PXDNL: variants seen among roughly 807,000 people sequenced by gnomAD.
The protein encoded by PXDNL is probable oxidoreductase PXDNL.
PXDNL carries 145 observed loss-of-function variants against 150.8 expected under a neutral mutation model. The ratio of observed to expected loss-of-function variants is 0.96; its 90% CI spans 0.84 to 1.10. The LOEUF is 1.10. PXDNL is among the 50% of genes least tolerant of loss of function. The probability of loss-of-function intolerance (pLI) is 0.00; values close to 1 mark genes in which losing one functional copy is unlikely to be tolerated. For synonymous variants in PXDNL, 757 were observed against 725.7 expected (o/e 1.04, Z -0.69); for missense variants, 2,087 against 1,873.9 (o/e 1.11, Z -2.10).
chr8:51,709,497 A>G (rs889406975), intron 1 of PXDNL, among the ~76,000 whole-genome samples: 2 of 151,848 alleles, frequency 1.3e-5, no homozygotes, highest in Admixed American at 1.3e-4. Context: ...CTCGTGATCC[A>G]CCCACCTCCG....
intron 5 of PXDNL, among the ~76,000 whole-genome samples, chr8:51,484,353 T>C (rs1044149002): frequency 2.0e-5 from 3 of 150,022 alleles, no homozygotes; most frequent in African/African-American, 7.4e-5. Flanking sequence ...GAGAATTGCT[T>C]GAACTGGGCA....
chr8:51,742,971 A>G (rs982642199), intron 1 of PXDNL, among the ~76,000 whole-genome samples: 4 of 152,210 alleles, frequency 2.6e-5, no homozygotes, highest in African/African-American at 9.7e-5. Flanking sequence ...AAATTTAATA[A>G]ACTCTGAAAT....
At chr8:51,515,136 G>C (rs946419874) in intron 4 of PXDNL, among the ~76,000 whole-genome samples, 2 of 152,218 alleles carry the variant, frequency 1.3e-5, no homozygotes, top group African/African-American at 4.8e-5. Flanking sequence ...AAGCCCCCAG[G>C]TGGATGCCTG....
At chr8:51,514,794 T>C (rs978222324) in intron 4 of PXDNL, among the ~76,000 whole-genome samples, 2 of 152,048 alleles carry the variant, frequency 1.3e-5, no homozygotes, top group Non-Finnish European at 2.9e-5. Context: ...GCCCTGGAAA[T>C]GGGAGAAAGT....
At chr8:51,395,229 G>A (rs1426575795) in intron 17 of PXDNL, among the ~76,000 whole-genome samples, 2 of 152,178 alleles carry the variant, frequency 1.3e-5, no homozygotes, top group Non-Finnish European at 2.9e-5. Context: ...CCTTGACTTT[G>A]TAGACACTAT....
intron 4 of PXDNL, among the ~76,000 whole-genome samples, chr8:51,543,410 G>A (rs563237937): frequency 6.6e-6 from 1 of 152,146 alleles, no homozygotes; most frequent in East Asian, 1.9e-4. Context: ...AAGTAAACAG[G>A]TAAAGAAAAG....
intron 2 of PXDNL, among the ~76,000 whole-genome samples, chr8:51,595,733 G>C (rs1813548708): frequency 1.3e-5 from 2 of 152,060 alleles, no homozygotes; most frequent in East Asian, 3.9e-4. Context: ...CATGGCAAAA[G>C]TCACTTATAG....
chr8:51,492,966 G>A (rs1009280312), intron 5 of PXDNL, among the ~76,000 whole-genome samples: 5 of 152,188 alleles, frequency 3.3e-5, no homozygotes, highest in African/African-American at 1.2e-4. Context: ...GGAGACCTGA[G>A]AATGGACAAA....
In PXDNL at chr8:51,730,257, C is replaced by G. The variant is rs982593879; in HGVS notation, c.165-75497G>C. ...ACTGTCCACTCAATTTTGCCATGAA[C>G]CTAAACTGCTCTAAATAATAAAGTC... On this transcript the variant is annotated intron_variant, in intron 1 of 22. Transcript: ENST00000356297. 2.0e-5 allele frequency among the ~76,000 whole-genome samples: 3 copies of G among 152,088 alleles called. No homozygotes were observed. In the East Asian group the frequency reaches 5.8e-4, roughly 29 times the overall value.
chr8:51,778,927 G>A (rs951124439), intron 1 of PXDNL, among the ~76,000 whole-genome samples: 1 of 152,150 alleles, frequency 6.6e-6, no homozygotes, highest in Non-Finnish European at 1.5e-5. Context: ...ACAGTTCTGA[G>A]ATTTAAAAAC....
chr8:51,541,373 A>C (rs1241288452), intron 4 of PXDNL, among the ~76,000 whole-genome samples: 1 of 152,150 alleles, frequency 6.6e-6, no homozygotes, highest in African/African-American at 2.4e-5. Flanking sequence ...TGATCTTCAT[A>C]ATAGGGCTCA....
At chr8:51,372,922 GTTCA>G (rs1015896226) in intron 18 of PXDNL, among the ~76,000 whole-genome samples, 2 of 152,070 alleles carry the variant, frequency 1.3e-5, no homozygotes, top group Non-Finnish European at 2.9e-5. Flanking sequence ...CAATCCTTGG[GTTCA>G]TTCATTCAGT....
chr8:51,654,881 T>C, intron 1 of PXDNL, 121 bp from the exon 2 acceptor site: 2 of 740,140 alleles, frequency 2.7e-6, no homozygotes, highest in East Asian at 5.3e-5. Context: ...AAGGACTAAA[T>C]ATAATTAAGA....
chr8:51,408,118 T>C lies in PXDNL; in HGVS notation c.3506A>G (p.Glu1169Gly). 6.2e-7 allele frequency: 1 copy of C among 1,611,314 alleles called. No homozygotes were observed. The highest frequency in any genetic ancestry group is 1.3e-5 in the African/African-American group (1 of 74,872). Residue 1169 changes from glutamate (E) to glycine (G), a missense_variant, in exon 17 of 23, where the codon GAG becomes GGG. Physicochemically the swap from Glu to Gly is moderately conservative, Grantham distance 98. Transcript: ENST00000356297. ...FCNLTSVKNF[E>G]DLQNEIKDSE... ...ATCTTTAATTTCATTTTGAAGATCC[T>C]CAAAGTTCTTAACTGAAGTCAAATT...
intron 1 of PXDNL, among the ~76,000 whole-genome samples, chr8:51,787,229 C>T (rs2037468690): frequency 6.6e-6 from 1 of 152,138 alleles, no homozygotes; most frequent in South Asian, 2.1e-4. Flanking sequence ...CACATTATTC[C>T]TTCAGCAAGC....
intron 1 of PXDNL, among the ~76,000 whole-genome samples, chr8:51,736,378 C>T (rs1267273239): frequency 6.6e-6 from 1 of 152,174 alleles, no homozygotes; most frequent in Non-Finnish European, 1.5e-5. Context: ...ATCTCACTCC[C>T]CTTTTAACTA....
intron 10 of PXDNL, among the ~76,000 whole-genome samples, chr8:51,452,935 A>AACACACAC (rs146990384): frequency 4.2e-5 from 6 of 142,566 alleles, no homozygotes; most frequent in South Asian, 2.2e-4. Flanking sequence ...CACACACACA[A>AACACACAC]ACACACACAC....
At chr8:51,491,520 G>A (rs780403656) in intron 5 of PXDNL, among the ~76,000 whole-genome samples, 1 of 152,138 alleles carries the variant, frequency 6.6e-6, no homozygotes, top group East Asian at 1.9e-4. Context: ...AACTTTTTTA[G>A]TTAGTCCATT....
At chr8:51,465,348 C>T (rs1000515515) in intron 8 of PXDNL, among the ~76,000 whole-genome samples, 2 of 151,890 alleles carry the variant, frequency 1.3e-5, no homozygotes, top group Non-Finnish European at 2.9e-5. Context: ...TAAAATCCAA[C>T]ATTCCTTCAT....
Sources: gnomAD v4.1 joint callset for allele counts (sites outside exome capture counted in the v4.1 genomes callset) on GRCh38, gnomAD v4.1.1 for gene constraint, MANE v1.5 for transcripts, NCBI Gene and HGNC (gene_info 2026-07-23, HGNC 2026-07-21) for gene names.